Variants in NLGN1 observed in about 807,000 individuals in gnomAD.
NLGN1 encodes neuroligin 1, also known as neuroligin-1.
Under a neutral mutation model 65.5 loss-of-function variants are expected in NLGN1, and 12 were observed. The ratio of observed to expected loss-of-function variants is 0.18; its 90% CI spans 0.12 to 0.30. NLGN1 has a LOEUF of 0.30. Among genes scored for constraint, NLGN1 ranks in the 10% least tolerant of loss-of-function variants. The pLI is 1.00. For synonymous variants in NLGN1, 350 were observed against 359.5 expected (o/e 0.97, Z 0.30); for missense variants, 750 against 1,007.1 (o/e 0.74, Z 3.46).
At chr3:173,479,859 A>G (rs1320177739) in intron 2 of NLGN1, among the ~76,000 whole-genome samples, 3 of 152,192 alleles carry the variant, frequency 2.0e-5, no homozygotes, top group South Asian at 2.1e-4. Flanking sequence ...ACACATAACC[A>G]TCTTTATTTT....
At chr3:173,964,778 CTAAG>C (rs1171572928) in intron 4 of NLGN1, among the ~76,000 whole-genome samples, 5 of 152,130 alleles carry the variant, frequency 3.3e-5, no homozygotes, top group Admixed American at 2.6e-4. Flanking sequence ...GTTCTCAAAT[CTAAG>C]TAACTATCAT....
At chr3:174,216,144 T>C (rs1426635432) in intron 4 of NLGN1, among the ~76,000 whole-genome samples, 1 of 152,164 alleles carries the variant, frequency 6.6e-6, no homozygotes, top group Non-Finnish European at 1.5e-5. Context: ...AATTGTGCGC[T>C]TTACAAATTT....
At chr3:174,151,562 G>A (rs975787047) in intron 4 of NLGN1, among the ~76,000 whole-genome samples, 8 of 129,756 alleles carry the variant, frequency 6.2e-5, no homozygotes, top group East Asian at 2.7e-4. Flanking sequence ...TAATAAAAAC[G>A]TATGACAGAC....
intron 2 of NLGN1, among the ~76,000 whole-genome samples, chr3:173,466,092 C>G (rs1428145059): frequency 6.6e-6 from 1 of 152,144 alleles, no homozygotes; most frequent in African/African-American, 2.4e-5. Context: ...GCATGCGTAA[C>G]TTGAGGGAAA....
chr3:173,726,869 G>A, intron 3 of NLGN1, among the ~76,000 whole-genome samples: 1 of 151,464 alleles, frequency 6.6e-6, no homozygotes, highest in East Asian at 1.9e-4. Flanking sequence ...AGTAGTAACA[G>A]GGAGTAGAGA....
intron 4 of NLGN1, among the ~76,000 whole-genome samples, chr3:174,064,515 T>G (rs1738080155): frequency 6.6e-6 from 1 of 151,452 alleles, no homozygotes; most frequent in Non-Finnish European, 1.5e-5. Context: ...TTAACCTCTC[T>G]ATGCCTTAGT....
chr3:173,626,458 A>T (rs1327891699), intron 3 of NLGN1, among the ~76,000 whole-genome samples: 1 of 152,108 alleles, frequency 6.6e-6, no homozygotes, highest in Non-Finnish European at 1.5e-5. Flanking sequence ...GAATAGGACA[A>T]TGTAAAATTT....
At chr3:173,852,952 A>G (rs1560496225) in intron 4 of NLGN1, among the ~76,000 whole-genome samples, 1 of 152,212 alleles carries the variant, frequency 6.6e-6, no homozygotes, top group Admixed American at 6.5e-5. Context: ...AGGTACTCTC[A>G]AGTGGGTTTA....
chr3:173,624,841 T>G (rs867476374), intron 3 of NLGN1, among the ~76,000 whole-genome samples: 15 of 686 alleles, frequency 0.022, no homozygotes, highest in African/African-American at 0.065. Context: ...TTATAATTGT[T>G]TTTTTTTTTC....
At chr3:173,820,557 T>C (rs914876681) in intron 4 of NLGN1, among the ~76,000 whole-genome samples, 1 of 152,244 alleles carries the variant, frequency 6.6e-6, no homozygotes, top group African/African-American at 2.4e-5. Context: ...AGTAAACTAC[T>C]TCTCTATGCA....
intron 4 of NLGN1, among the ~76,000 whole-genome samples, chr3:174,181,164 G>T (rs1311399472): frequency 1.3e-5 from 2 of 151,942 alleles, no homozygotes; most frequent in African/African-American, 4.8e-5. Flanking sequence ...ACTCCTCCTG[G>T]CCCTGCATAC....
chr3:174,023,665 CT>C (rs1004895590), intron 4 of NLGN1, among the ~76,000 whole-genome samples: 1 of 152,100 alleles, frequency 6.6e-6, no homozygotes, highest in African/African-American at 2.4e-5. Context: ...TTGCTGCAGT[CT>C]TTGAGTGGTT....
chr3:173,771,362 C>G (rs1291149323), intron 3 of NLGN1, among the ~76,000 whole-genome samples: 1 of 152,110 alleles, frequency 6.6e-6, no homozygotes, highest in Non-Finnish European at 1.5e-5. Context: ...CTGAATTTTG[C>G]AATCTTATGC....
At chr3:174,087,501 A>G (rs1307236631) in intron 4 of NLGN1, among the ~76,000 whole-genome samples, 1 of 152,164 alleles carries the variant, frequency 6.6e-6, no homozygotes, top group African/African-American at 2.4e-5. Context: ...CACGAAAGAA[A>G]AACACATACC....
rs778606292 is a variant in NLGN1 at position 173,494,431 on chromosome 3, T to C, written c.-321+59353T>C. Among the ~76,000 whole-genome samples the C allele has an allele frequency of 5.9e-5, 9 of 151,690 alleles. 1 individual carries two copies. The highest frequency in any genetic ancestry group is 8.8e-5 in the Non-Finnish European group (6 of 68,018). The stretch of plus-strand genomic sequence containing the variant: ...AGTTGTAGTTATCCTTAATATATCA[T>C]AGATACTAACCCTTGGACAGATATA... On this transcript the variant is annotated intron_variant, in intron 2 of 6. Coordinates refer to ENST00000457714, the Ensembl canonical transcript of NLGN1.
intron 4 of NLGN1, among the ~76,000 whole-genome samples, chr3:174,072,762 C>T (rs1580140772): frequency 6.6e-6 from 1 of 151,880 alleles, no homozygotes; most frequent in African/African-American, 2.4e-5. Context: ...GTTTTGGAGC[C>T]CCCCTAGAAG....
chr3:174,183,982 A>G (rs928390631), intron 4 of NLGN1, among the ~76,000 whole-genome samples: 3 of 152,312 alleles, frequency 2.0e-5, no homozygotes, highest in African/African-American at 7.2e-5. Context: ...AAACTCAACC[A>G]TGAATTTCAG....
At chr3:173,971,138 AAAAAT>A (rs1008829976) in intron 4 of NLGN1, among the ~76,000 whole-genome samples, 9 of 152,298 alleles carry the variant, frequency 5.9e-5, no homozygotes, top group African/African-American at 2.2e-4. Context: ...AATTATGTGG[AAAAAT>A]AAAATAAAAT....
chr3:174,193,139 C>T (rs1380916442), intron 4 of NLGN1, among the ~76,000 whole-genome samples: 1 of 152,054 alleles, frequency 6.6e-6, no homozygotes, highest in Non-Finnish European at 1.5e-5. Flanking sequence ...ATAAAGGTGA[C>T]ATATAACAGT....
Sources: gnomAD v4.1 joint callset for allele counts (sites outside exome capture counted in the v4.1 genomes callset) on GRCh38, gnomAD v4.1.1 for gene constraint, MANE v1.5 for transcripts, NCBI Gene and HGNC (gene_info 2026-07-23, HGNC 2026-07-21) for gene names.